SMIM14: variants seen among roughly 807,000 people sequenced by gnomAD.
The protein encoded by SMIM14 is small integral membrane protein 14.
Under a neutral mutation model 12.6 loss-of-function variants are expected in SMIM14, and 5 were observed. That is an observed-to-expected ratio of 0.40 (90% CI 0.21 to 0.83). The LOEUF is 0.83. SMIM14 is among the 40% of genes least tolerant of loss of function. SMIM14 has a pLI of 0.37. For missense variants in SMIM14, 86 were observed against 119.1 expected (o/e 0.72, Z 1.29); for synonymous variants, 30 against 40.1 (o/e 0.75, Z 0.95).
intron 1 of SMIM14, among the ~76,000 whole-genome samples, chr4:39,628,264 GC>G (rs1325336649): frequency 6.8e-6 from 1 of 146,412 alleles, no homozygotes; most frequent in Non-Finnish European, 1.5e-5. Flanking sequence ...CCAACACCAA[GC>G]CATTGCACTC....
intron 2 of SMIM14, among the ~76,000 whole-genome samples, chr4:39,604,603 A>C (rs2110057631): frequency 6.6e-6 from 1 of 152,086 alleles, no homozygotes; most frequent in African/African-American, 2.4e-5. Context: ...CTAATGAAAT[A>C]ATTGCTAGCA....
At chr4:39,629,534 C>T (rs1296286249) in intron 1 of SMIM14, among the ~76,000 whole-genome samples, 1 of 150,858 alleles carries the variant, frequency 6.6e-6, no homozygotes, top group Non-Finnish European at 1.5e-5. Flanking sequence ...CCTTGACCTC[C>T]TGAGCTCAAG....
chr4:39,551,997 A>G lies in SMIM14; in HGVS notation c.*129T>C. Reference sequence around the variant, plus strand: ...CAAGTGAAATTTCTAGAAGCTCATGAAAACAATACCATCCCATATTGCAGA... The same window carrying G: ...CAAGTGAAATTTCTAGAAGCTCATGGAAACAATACCATCCCATATTGCAGA... On this transcript the variant is annotated 3_prime_UTR_variant, in exon 5 of 5. Coordinates refer to ENST00000295958, the MANE Select transcript of SMIM14 (RefSeq NM_174921.3). 1 of 632,156 alleles carries G rather than the reference A, an allele frequency of 1.6e-6. No homozygotes were observed. Among genetic ancestry groups the G allele is most frequent in the East Asian group, 3.1e-5 (1 of 32,484 alleles). 39.2% of individuals were successfully genotyped at this position (632,156 alleles called of 1,614,324 possible).
In SMIM14 at chr4:39,551,136, C is replaced by G. The variant is rs1019051983; in HGVS notation, c.*990G>C. 1 of 152,122 alleles carries G rather than the reference C, an allele frequency of 6.6e-6. No individual in the cohort carries two copies. Among genetic ancestry groups the G allele is most frequent in the Admixed American group, 6.6e-5 (1 of 15,262 alleles). 9.4% of individuals were successfully genotyped at this position (152,122 alleles called of 1,614,324 possible). On this transcript the variant is annotated 3_prime_UTR_variant, in exon 5 of 5. Transcript: ENST00000295958. ...ATGTTGGCCAGGCTGGTCTCGAACT[C>G]CTGACCTCAAGTGATCCACCCACCT...
In SMIM14 at chr4:39,635,243, G is replaced by A. The variant is rs370225481; in HGVS notation, c.-36+3496C>T. Among the ~76,000 whole-genome samples the A allele has an allele frequency of 3.6e-4, 55 of 152,302 alleles. 1 individual carries two copies. Among genetic ancestry groups the A allele is most frequent in the African/African-American group, 1.1e-3 (46 of 41,562 alleles). On this transcript the variant is annotated intron_variant, in intron 1 of 4. Transcript: ENST00000295958. The stretch of plus-strand genomic sequence containing the variant: ...AAAATGCAAGTGGGATTAGAATACA[G>A]GAAGAAACTCACATGGCCAGGCTCC...
At chr4:39,577,418 A>AGTCT (rs1237492323) in intron 2 of SMIM14, among the ~76,000 whole-genome samples, 1 of 137,192 alleles carries the variant, frequency 7.3e-6, no homozygotes, top group Non-Finnish European at 1.6e-5. Context: ...GGCAGACAGG[A>AGTCT]GCCCTTTCAG....
chr4:39,556,681 A>G (rs1712032383), intron 3 of SMIM14, 111 bp from the exon 4 acceptor site: 1 of 990,336 alleles, frequency 1.0e-6, no homozygotes, highest in Non-Finnish European at 1.4e-6. Flanking sequence ...AATTGTATTG[A>G]TAAATTACAA....
chr4:39,608,061 T>C (rs1714880415), intron 1 of SMIM14, among the ~76,000 whole-genome samples: 1 of 152,166 alleles, frequency 6.6e-6, no homozygotes. Flanking sequence ...ACAACCCTCA[T>C]GTAAAATGGT....
intron 4 of SMIM14, among the ~76,000 whole-genome samples, chr4:39,555,085 C>G (rs1265052628): frequency 2.0e-5 from 3 of 151,890 alleles, no homozygotes; most frequent in Non-Finnish European, 2.9e-5. Context: ...ATCCGCCCAT[C>G]TTGGCCTCCC....
chr4:39,564,434 CA>C (rs1712471242), intron 3 of SMIM14, among the ~76,000 whole-genome samples: 1 of 152,090 alleles, frequency 6.6e-6, no homozygotes, highest in South Asian at 2.1e-4. Flanking sequence ...ACATCATGCT[CA>C]AAAGAAATGC....
At position 39,551,857 on chromosome 4, in the gene SMIM14, T is replaced by C. The variant is rs1711730808; in HGVS notation, c.*269A>G. 1 of 287,752 alleles carries C rather than the reference T, an allele frequency of 3.5e-6. No homozygotes were observed. The highest frequency in any genetic ancestry group is 6.4e-6 in the Non-Finnish European group (1 of 155,684). 17.8% of individuals were successfully genotyped at this position (287,752 alleles called of 1,614,324 possible). ...AGTTACAAACAGAATGAGTGGAATG[T>C]TTGTAAGTTTAGGACAACCAAAAAA... On this transcript the variant is annotated 3_prime_UTR_variant, in exon 5 of 5. Coordinates refer to ENST00000295958, the MANE Select transcript of SMIM14 (RefSeq NM_174921.3).
chr4:39,596,374 C>A (rs1374337205), intron 2 of SMIM14, among the ~76,000 whole-genome samples: 1 of 151,964 alleles, frequency 6.6e-6, no homozygotes, highest in African/African-American at 2.4e-5. Flanking sequence ...GGATTACAGG[C>A]GTGAGCCACC....
intron 3 of SMIM14, among the ~76,000 whole-genome samples, chr4:39,561,560 G>C (rs1243116849): frequency 1.3e-5 from 2 of 152,172 alleles, no homozygotes; most frequent in Non-Finnish European, 1.5e-5. Context: ...TGAAGCTTAA[G>C]AGAGTTAAAC....
chr4:39,638,424 C>T (rs1293270364), intron 1 of SMIM14: 1 of 977,834 alleles, frequency 1.0e-6, no homozygotes, highest in Non-Finnish European at 1.2e-6. Flanking sequence ...CATGATACGC[C>T]TCCACCCGTC....
intron 2 of SMIM14, among the ~76,000 whole-genome samples, chr4:39,598,815 A>C (rs1714480554): frequency 6.6e-6 from 1 of 152,100 alleles, no homozygotes; most frequent in Non-Finnish European, 1.5e-5. Flanking sequence ...CTTTCTAAAA[A>C]AGTCTCTCCC....
chr4:39,638,668 GC>G (rs1451985319), intron 1 of SMIM14, 70 bp downstream of exon 1: 58 of 977,426 alleles, frequency 5.9e-5, no homozygotes, highest in Admixed American at 5.5e-4. Context: ...AGCCTGAGGA[GC>G]CCCCAGGAAA....
At chr4:39,600,527 G>T (rs369425998) in intron 2 of SMIM14, among the ~76,000 whole-genome samples, 225 of 151,770 alleles carry the variant, frequency 1.5e-3, no homozygotes, top group African/African-American at 5.3e-3. Flanking sequence ...CCATCTCTAC[G>T]AAAAATACAA....
rs1714566677 is a variant in SMIM14, at chr4:39,600,559, AG to A, written c.75+4511del. 2.0e-5 allele frequency among the ~76,000 whole-genome samples: 3 copies of A among 152,076 alleles called. No individual in the cohort carries two copies. The South Asian group carries it at 6.2e-4, about 32-fold the overall frequency. Reference sequence around the variant, plus strand: ...ACAAAAATTAGCCGAGCGTGGTGGCAGGCGCTTGTAATCCCAGCTACTCAGG... The same window carrying A: ...ACAAAAATTAGCCGAGCGTGGTGGCAGCGCTTGTAATCCCAGCTACTCAGG... On this transcript the variant is annotated intron_variant, in intron 2 of 4. Transcript: ENST00000295958.
In SMIM14 at chr4:39,596,406, G is replaced by A. The variant is rs28715965; in HGVS notation, c.75+8665C>T. Among the ~76,000 whole-genome samples, 693 of 152,116 alleles carry A rather than the reference G, an allele frequency of 4.6e-3. 5 individuals are homozygous for A. Among genetic ancestry groups the A allele is most frequent in the African/African-American group, 0.016 (656 of 41,498 alleles). ...CACCGGGCCCGGCCGCATATATAGT[G>A]CTTTTTAAGGTGCTTAAAGGAGACC... On this transcript the variant is annotated intron_variant, in intron 2 of 4. Transcript: ENST00000295958.
Sources: allele counts gnomAD v4.1 joint callset (sites outside exome capture counted in the v4.1 genomes callset), GRCh38; gene constraint gnomAD v4.1.1; transcripts MANE v1.5; gene names NCBI Gene and HGNC (gene_info 2026-07-23, HGNC 2026-07-21).